RFX3: variants seen among roughly 807,000 people sequenced by gnomAD.
RFX3 encodes regulatory factor X3.
A neutral mutation model predicts 98.6 loss-of-function variants in RFX3; 14 were observed. That is an observed-to-expected ratio of 0.14 (90% CI 0.09 to 0.22). The LOEUF (loss-of-function observed/expected upper bound fraction) is 0.22, where lower values mean the gene tolerates loss of function less well. Among genes scored for constraint, RFX3 ranks in the 10% least tolerant of loss-of-function variants. The probability of loss-of-function intolerance (pLI) is 1.00; values close to 1 mark genes in which losing one functional copy is unlikely to be tolerated. For missense variants in RFX3, 639 were observed against 926.9 expected (o/e 0.69, Z 4.03); for synonymous variants, 383 against 328.4 (o/e 1.17, Z -1.80).
At chr9:3,514,794 A>G (rs1817992550) in intron 1 of RFX3, among the ~76,000 whole-genome samples, 1 of 152,228 alleles carries the variant, frequency 6.6e-6, no homozygotes, top group Admixed American at 6.5e-5. Context: ...TTATGAAACA[A>G]AGAATCTAAA....
At chr9:3,280,455 C>G (rs560078245) in intron 7 of RFX3, among the ~76,000 whole-genome samples, 3 of 151,690 alleles carry the variant, frequency 2.0e-5, no homozygotes, top group African/African-American at 2.4e-5. Context: ...ATCAGAAATA[C>G]TGGACTGAGA....
At chr9:3,375,037 G>A (rs138413564) in intron 2 of RFX3, among the ~76,000 whole-genome samples, 1,595 of 152,236 alleles carry the variant, frequency 0.01, 32 homozygotes, top group African/African-American at 0.036. Flanking sequence ...ACTATTTGCA[G>A]TATGTACATT....
chr9:3,228,637 G>A (rs1818077661), intron 16 of RFX3, among the ~76,000 whole-genome samples: 2 of 152,162 alleles, frequency 1.3e-5, no homozygotes, highest in Non-Finnish European at 2.9e-5. Context: ...TTTAAATTCA[G>A]TTATCTGCAT....
intron 1 of RFX3, among the ~76,000 whole-genome samples, chr9:3,501,204 C>T (rs1815963653): frequency 6.6e-6 from 1 of 152,158 alleles, no homozygotes; most frequent in Non-Finnish European, 1.5e-5. Flanking sequence ...GCTTCATCTC[C>T]ATTTACCCAC....
At chr9:3,503,739 A>C (rs1816302503) in intron 1 of RFX3, among the ~76,000 whole-genome samples, 1 of 152,152 alleles carries the variant, frequency 6.6e-6, no homozygotes, top group Non-Finnish European at 1.5e-5. Flanking sequence ...AATACAATTC[A>C]TAAATTACTA....
At chr9:3,477,724 AT>A (rs1326390361) in intron 1 of RFX3, among the ~76,000 whole-genome samples, 2 of 151,236 alleles carry the variant, frequency 1.3e-5, no homozygotes, top group African/African-American at 2.4e-5. Flanking sequence ...GTTTTCTGCC[AT>A]TTTTTTTTAA....
At chr9:3,345,189 C>T (rs79368072) in intron 3 of RFX3, among the ~76,000 whole-genome samples, 8,850 of 151,988 alleles carry the variant, frequency 0.058, 864 homozygotes, top group African/African-American at 0.2. Context: ...AAGGGAGTGA[C>T]ATGTCTGTCT....
At chr9:3,503,269 T>G (rs1816249168) in intron 1 of RFX3, among the ~76,000 whole-genome samples, 1 of 152,144 alleles carries the variant, frequency 6.6e-6, no homozygotes, top group Admixed American at 6.5e-5. Flanking sequence ...GATAGAAACC[T>G]AGATTAAAAA....
intron 4 of RFX3, among the ~76,000 whole-genome samples, chr9:3,318,989 G>C (rs1242937548): frequency 6.6e-6 from 1 of 152,170 alleles, no homozygotes; most frequent in Non-Finnish European, 1.5e-5. Context: ...ACTAGTTTCT[G>C]AGACATCAAG....
intron 15 of RFX3, among the ~76,000 whole-genome samples, chr9:3,236,950 G>C (rs985577410): frequency 6.6e-6 from 1 of 152,166 alleles, no homozygotes; most frequent in Non-Finnish European, 1.5e-5. Context: ...AGCTGTCACA[G>C]GCCCAAAGAA....
chr9:3,418,616 G>C (rs78021054), intron 1 of RFX3, among the ~76,000 whole-genome samples: 1 of 152,122 alleles, frequency 6.6e-6, no homozygotes, highest in African/African-American at 2.4e-5. Flanking sequence ...CTGACTTCAG[G>C]CGATCCGTCT....
chr9:3,244,349 C>G (rs1433817614), intron 15 of RFX3, among the ~76,000 whole-genome samples: 1 of 152,146 alleles, frequency 6.6e-6, no homozygotes, highest in Non-Finnish European at 1.5e-5. Context: ...ATAGTATCCA[C>G]TTATAGATCT....
intron 2 of RFX3, among the ~76,000 whole-genome samples, chr9:3,381,254 A>G (rs1473854055): frequency 3.3e-5 from 5 of 152,068 alleles, no homozygotes; most frequent in African/African-American, 1.2e-4. Context: ...ATTGGTAAAA[A>G]GGCTTTTTGT....
At chr9:3,255,972 T>TC (rs1491271920) in intron 14 of RFX3, among the ~76,000 whole-genome samples, 2 of 143,062 alleles carry the variant, frequency 1.4e-5, no homozygotes, top group African/African-American at 2.8e-5. Flanking sequence ...TATCTCTCTC[T>TC]TTTTTTTTTT....
intron 9 of RFX3, 37 bp from the exon 10 acceptor site, chr9:3,271,155 A>T: frequency 6.4e-7 from 1 of 1,560,980 alleles, no homozygotes; most frequent in Non-Finnish European, 8.8e-7. Context: ...ACCTTACAAT[A>T]TTATTTACGG....
At chr9:3,257,247 T>C (rs544840523) in intron 13 of RFX3, 48 bp from the exon 14 acceptor site, 1 of 1,499,556 alleles carries the variant, frequency 6.7e-7, no homozygotes, top group East Asian at 2.3e-5. Context: ...TTCAGCATCC[T>C]TTCATTGAAT....
At chr9:3,451,042 A>C (rs1846572499) in intron 1 of RFX3, among the ~76,000 whole-genome samples, 1 of 152,224 alleles carries the variant, frequency 6.6e-6, no homozygotes, top group Admixed American at 6.5e-5. Flanking sequence ...GAAATATAAA[A>C]GGCGAATCTG....
At chr9:3,323,387 G>C (rs1444166651) in intron 4 of RFX3, among the ~76,000 whole-genome samples, 1 of 152,130 alleles carries the variant, frequency 6.6e-6, no homozygotes, top group Non-Finnish European at 1.5e-5. Context: ...TTAATCTGTA[G>C]CAATGCATTT....
intron 1 of RFX3, among the ~76,000 whole-genome samples, chr9:3,500,328 C>T (rs745701243): frequency 4.0e-5 from 6 of 151,878 alleles, no homozygotes; most frequent in Middle Eastern, 3.4e-3. Flanking sequence ...CGGACAAGAA[C>T]GTGTTAGAAA....
Sources: allele counts gnomAD v4.1 joint callset (sites outside exome capture counted in the v4.1 genomes callset), GRCh38; gene constraint gnomAD v4.1.1; transcripts MANE v1.5; gene names NCBI Gene and HGNC (gene_info 2026-07-23, HGNC 2026-07-21).